PEX14: variants seen among roughly 807,000 people sequenced by gnomAD.
PEX14 encodes peroxisomal membrane protein PEX14.
A neutral mutation model predicts 49.5 loss-of-function variants in PEX14; 15 were observed. The ratio of observed to expected loss-of-function variants is 0.30; its 90% CI spans 0.20 to 0.47. The LOEUF (loss-of-function observed/expected upper bound fraction) is 0.47. PEX14 is among the 20% of genes least tolerant of loss of function. The probability of loss-of-function intolerance (pLI) is 1.00; values close to 1 mark genes in which losing one functional copy is unlikely to be tolerated. For missense variants in PEX14, 398 were observed against 494.8 expected, an observed-to-expected ratio of 0.80 and a Z score of 1.86; for synonymous variants, 210 against 212.7, an observed-to-expected ratio of 0.99 and a Z score of 0.11.
At chr1:10,552,896 C>T (rs967752852) in intron 3 of PEX14, among the ~76,000 whole-genome samples, 14 of 151,994 alleles carry the variant, frequency 9.2e-5, no homozygotes, top group Admixed American at 3.3e-4. Context: ...AGGTCTGAAG[C>T]GGATTGGTGA....
intron 2 of PEX14, among the ~76,000 whole-genome samples, chr1:10,507,520 T>C (rs1184637971): frequency 6.6e-6 from 1 of 152,246 alleles, no homozygotes; most frequent in Non-Finnish European, 1.5e-5. Context: ...TGCACCCATG[T>C]ACCTCACTAA....
At chr1:10,480,954 G>A (rs938621713) in intron 1 of PEX14, among the ~76,000 whole-genome samples, 11 of 151,100 alleles carry the variant, frequency 7.3e-5, no homozygotes, top group Middle Eastern at 3.4e-3. Flanking sequence ...TCTCATAAGA[G>A]TAAGGTTATT....
chr1:10,621,169 T>C (rs1280989122), intron 5 of PEX14, among the ~76,000 whole-genome samples: 2 of 148,594 alleles, frequency 1.3e-5, no homozygotes, highest in Non-Finnish European at 3.0e-5. Flanking sequence ...TTCTAAAGCA[T>C]CTGCTCAGTT....
chr1:10,626,814 T>C (rs1046935040), intron 7 of PEX14, among the ~76,000 whole-genome samples: 2 of 152,186 alleles, frequency 1.3e-5, no homozygotes, highest in African/African-American at 4.8e-5. Flanking sequence ...CCAGCAAGAT[T>C]TTCCAGAAGT....
rs954254280 is a variant in PEX14, at chr1:10,611,273, TA to T, written c.299-7049del. 4.0e-5 allele frequency among the ~76,000 whole-genome samples: 6 copies of T among 150,202 alleles called. No homozygotes were observed. The East Asian group carries it at 5.9e-4, about 15-fold the overall frequency. On this transcript the variant is annotated intron_variant, in intron 4 of 8. Coordinates refer to ENST00000356607, the MANE Select transcript of PEX14 (RefSeq NM_004565.3). ...GCAAGACTCTGTCCCCCCACCGAAA[TA>T]AAAAAAAAATTAATAGCCATTCTTA...
chr1:10,525,322 A>T (rs1361446624), intron 2 of PEX14, among the ~76,000 whole-genome samples: 1 of 147,702 alleles, frequency 6.8e-6, no homozygotes, highest in African/African-American at 2.5e-5. Flanking sequence ...AAGATGTGTA[A>T]AAAAAAAAAA....
chr1:10,479,340 G>GC (rs1397988397), intron 1 of PEX14, among the ~76,000 whole-genome samples: 3 of 152,190 alleles, frequency 2.0e-5, no homozygotes, highest in Non-Finnish European at 4.4e-5. Context: ...TTGTGCCATT[G>GC]CCCTCCAGCC....
chr1:10,585,009 CA>C (rs1177345432), intron 3 of PEX14, among the ~76,000 whole-genome samples: 2 of 151,920 alleles, frequency 1.3e-5, no homozygotes, highest in African/African-American at 4.8e-5. Context: ...TTTGGGGGAA[CA>C]GTAAAATTTC....
intron 1 of PEX14, among the ~76,000 whole-genome samples, chr1:10,478,727 C>T (rs1468669802): frequency 1.3e-5 from 2 of 151,866 alleles, no homozygotes; most frequent in African/African-American, 4.8e-5. Context: ...TACAGGTGTG[C>T]ACCACCATGC....
rs70997255 is a variant in PEX14 at position 10,570,848 on chromosome 1, G to GTTTTTTTTT, written c.170-28381_170-28373dup. Among the ~76,000 whole-genome samples, 879 of 113,878 alleles carry GTTTTTTTTT rather than the reference G, an allele frequency of 7.7e-3. 70 individuals are homozygous for GTTTTTTTTT. Among genetic ancestry groups the GTTTTTTTTT allele is most frequent in the African/African-American group, 0.026 (789 of 30,244 alleles). 74.7% of individuals were successfully genotyped at this position (113,878 alleles called of 152,430 possible). On this transcript the variant is annotated intron_variant, in intron 3 of 8. Transcript: ENST00000356607. ...TTTCTTTAGAGAAAATGTCAACAGG[G>GTTTTTTTTT]TTTTTTTTTTTTTTTTTGAGATGGT... is the stretch of plus-strand genomic sequence containing the variant.
At chr1:10,586,911 A>T (rs1276224774) in intron 3 of PEX14, among the ~76,000 whole-genome samples, 5 of 151,224 alleles carry the variant, frequency 3.3e-5, no homozygotes, top group African/African-American at 7.3e-5. Context: ...AAGTGCTGGG[A>T]TTACAGGTGT....
intron 2 of PEX14, among the ~76,000 whole-genome samples, chr1:10,532,928 T>C (rs1570221609): frequency 6.6e-6 from 1 of 152,150 alleles, no homozygotes; most frequent in East Asian, 1.9e-4. Flanking sequence ...CTGTCAGTTA[T>C]TTAGTGTGTG....
intron 1 of PEX14, among the ~76,000 whole-genome samples, chr1:10,493,151 G>A (rs948470650): frequency 1.2e-4 from 19 of 152,216 alleles, no homozygotes; most frequent in Non-Finnish European, 2.5e-4. Context: ...CAGAGTAGAC[G>A]TGAGGCCTTG....
intron 3 of PEX14, among the ~76,000 whole-genome samples, chr1:10,545,229 A>G (rs1192094817): frequency 6.6e-6 from 1 of 152,152 alleles, no homozygotes; most frequent in Non-Finnish European, 1.5e-5. Flanking sequence ...TTATATGGCT[A>G]TACTACCTGT....
chr1:10,523,112 T>C (rs35895150), intron 2 of PEX14, among the ~76,000 whole-genome samples: 3,202 of 152,316 alleles, frequency 0.021, 55 homozygotes, highest in Non-Finnish European at 0.028. Context: ...GTTTCTCTCT[T>C]GGCATTTGCT....
In PEX14 at chr1:10,625,334, C is replaced by T. The variant is rs1475236516; in HGVS notation, c.585+897C>T. Among the ~76,000 whole-genome samples the T allele has an allele frequency of 9.2e-5, 14 of 152,170 alleles. 1 individual carries two copies. The highest frequency in any genetic ancestry group is 7.2e-4 in the Admixed American group (11 of 15,282). ...GTCCCTTGTCCCACAGCTCTGTGGCCGGCGGACACTGCTCCCTGTCTGCCC... is the reference window on the plus strand; with the variant it reads ...GTCCCTTGTCCCACAGCTCTGTGGCTGGCGGACACTGCTCCCTGTCTGCCC... On this transcript the variant is annotated intron_variant, in intron 7 of 8. Transcript: ENST00000356607.
intron 3 of PEX14, among the ~76,000 whole-genome samples, chr1:10,554,401 A>ACATT (rs1639427362): frequency 6.6e-6 from 1 of 152,068 alleles, no homozygotes; most frequent in Non-Finnish European, 1.5e-5. Flanking sequence ...AATGATCAGG[A>ACATT]CATTAACTGA....
chr1:10,590,060 C>T (rs576488673), intron 3 of PEX14, among the ~76,000 whole-genome samples: 4 of 152,136 alleles, frequency 2.6e-5, no homozygotes, highest in Admixed American at 2.0e-4. Context: ...GCCTGGGGTC[C>T]GAGCCTGGCC....
At chr1:10,484,928 C>T (rs1641342340) in intron 1 of PEX14, among the ~76,000 whole-genome samples, 3 of 151,668 alleles carry the variant, frequency 2.0e-5, no homozygotes, top group South Asian at 2.1e-4. Context: ...CGACGTATCT[C>T]ACCCACATTA....
Sources: allele counts gnomAD v4.1 joint callset (sites outside exome capture counted in the v4.1 genomes callset), GRCh38; gene constraint gnomAD v4.1.1; transcripts MANE v1.5; gene names NCBI Gene and HGNC (gene_info 2026-07-23, HGNC 2026-07-21).